Variants in PMS1 observed in about 807,000 individuals in gnomAD.
The protein encoded by PMS1 is PMS1 protein homolog 1.
In PMS1, 79 loss-of-function variants were observed where a neutral mutation model predicts 93.1. The observed-to-expected ratio is 0.85, with a 90% confidence interval of 0.71 to 1.02. PMS1 has a LOEUF of 1.02. Among genes scored for constraint, PMS1 ranks in the 50% least tolerant of loss-of-function variants. PMS1 has a pLI of 0.00. For synonymous variants in PMS1, 335 were observed against 363.4 expected, an observed-to-expected ratio of 0.92 and a Z score of 0.89; for missense variants, 1,064 against 1,085.3, an observed-to-expected ratio of 0.98 and a Z score of 0.28.
rs560654438 is a variant in PMS1, at chr2:189,855,754, T to C, written c.1856+626T>C. 6.8e-5 allele frequency: 18 copies of C among 263,758 alleles called. No individual in the cohort carries two copies. In the South Asian group the frequency reaches 9.7e-4, roughly 14 times the overall value. 16.3% of individuals were successfully genotyped at this position (263,758 alleles called of 1,614,324 possible). A position where few individuals can be genotyped will look rare whatever the true frequency, so the allele number is the denominator to read the frequency against. ...TTTGATCTGTCTTTGATTAAAATAGTATTTGCCATATTTAAATTAGATTTT... is the reference window on the plus strand; with the variant it reads ...TTTGATCTGTCTTTGATTAAAATAGCATTTGCCATATTTAAATTAGATTTT... On this transcript the variant is annotated intron_variant, in intron 9 of 12. Transcript: ENST00000441310.
intron 9 of PMS1, among the ~76,000 whole-genome samples, chr2:189,857,077 A>G (rs565875239): frequency 6.6e-6 from 1 of 152,248 alleles, no homozygotes; most frequent in East Asian, 1.9e-4. Flanking sequence ...ACAGTCTCTC[A>G]TGGATTGTTG....
chr2:189,852,855 GCTCT>G, intron 7 of PMS1, 78 bp downstream of exon 7: 1 of 900,112 alleles, frequency 1.1e-6, no homozygotes. Context: ...CCAAGAATTT[GCTCT>G]AAAATAAAAA....
intron 9 of PMS1, among the ~76,000 whole-genome samples, chr2:189,862,237 T>C (rs913016558): frequency 4.6e-5 from 7 of 152,280 alleles, no homozygotes; most frequent in Admixed American, 1.3e-4. Flanking sequence ...TACTGACCCT[T>C]TCTTTTGCCA....
intron 9 of PMS1, among the ~76,000 whole-genome samples, chr2:189,863,316 C>T (rs749290567): frequency 6.0e-5 from 9 of 150,488 alleles, no homozygotes; most frequent in Admixed American, 1.3e-4. Flanking sequence ...TGCAGTGGCA[C>T]GATCTCGGCT....
intron 6 of PMS1, among the ~76,000 whole-genome samples, chr2:189,846,251 C>A (rs147105922): frequency 0.012 from 1,825 of 151,956 alleles, 37 homozygotes; most frequent in African/African-American, 0.039. Context: ...GTGGCTCACA[C>A]CTGTAATCCC....
chr2:189,871,669 T>A (rs2057161324), intron 11 of PMS1, among the ~76,000 whole-genome samples: 1 of 152,244 alleles, frequency 6.6e-6, no homozygotes, highest in Admixed American at 6.5e-5. Context: ...CAGCCTCTGC[T>A]CTTACCCAGC....
Position 189,791,888 on chromosome 2 carries a change from G to C in PMS1, c.79G>C (p.Glu27Gln), listed in dbSNP as rs5742973. Residue 27 changes from glutamate (E) to glutamine (Q), a missense_variant, in exon 2 of 13, where the codon GAG (glutamate) becomes CAG (glutamine). Transcript: ENST00000441310. ...CACTTCGGTGGTCAGTGTTGTAAAA[G>C]AGCTTATTGAAAACTCCTTGGATGC... ...IITSVVSVVK[E>Q]LIENSLDAGA... The C allele has an allele frequency of 8.5e-5, 137 of 1,613,932 alleles. 1 individual carries two copies. In the African/African-American group the frequency reaches 1.5e-3, roughly 17 times the overall value.
intron 2 of PMS1, 46 bp from the exon 3 acceptor site, chr2:189,795,723 A>G (rs761280632): frequency 4.3e-6 from 6 of 1,390,930 alleles, no homozygotes; most frequent in Non-Finnish European, 2.0e-6. Context: ...GTGTGATAAC[A>G]GTTTAATATT....
intron 5 of PMS1, among the ~76,000 whole-genome samples, chr2:189,843,316 C>G (rs1340244012): frequency 6.6e-6 from 1 of 152,168 alleles, no homozygotes; most frequent in African/African-American, 2.4e-5. Context: ...CTGCAAACAA[C>G]CTATTGTTTC....
chr2:189,868,930 C>T (rs1575380058), intron 11 of PMS1, among the ~76,000 whole-genome samples: 1 of 152,274 alleles, frequency 6.6e-6, no homozygotes, highest in East Asian at 1.9e-4. Flanking sequence ...CACCTGGCCT[C>T]ACTGTGTCTT....
intron 5 of PMS1, among the ~76,000 whole-genome samples, chr2:189,834,225 G>A (rs1043524795): frequency 6.6e-6 from 1 of 152,158 alleles, no homozygotes; most frequent in African/African-American, 2.4e-5. Context: ...CTGGTTCTTC[G>A]GAAAGACTAT....
intron 6 of PMS1, among the ~76,000 whole-genome samples, chr2:189,845,950 C>T (rs1217181025): frequency 2.0e-5 from 3 of 152,096 alleles, no homozygotes; most frequent in Non-Finnish European, 4.4e-5. Flanking sequence ...TCTCAAACTC[C>T]TGACCTCAAG....
chr2:189,846,234 C>T (rs538404701), intron 6 of PMS1, among the ~76,000 whole-genome samples: 3 of 151,168 alleles, frequency 2.0e-5, no homozygotes, highest in Non-Finnish European at 4.4e-5. Context: ...AAAATTGGCC[C>T]GGTGTGGTGG....
At chr2:189,808,494 A>C (rs1161709754) in intron 4 of PMS1, among the ~76,000 whole-genome samples, 4 of 151,606 alleles carry the variant, frequency 2.6e-5, no homozygotes, top group Admixed American at 6.6e-5. Flanking sequence ...CACCTGGCGA[A>C]TTTTTGTGTT....
At chr2:189,787,050 A>T (rs2048413691) in intron 1 of PMS1, among the ~76,000 whole-genome samples, 1 of 152,104 alleles carries the variant, frequency 6.6e-6, no homozygotes, top group South Asian at 2.1e-4. Context: ...CGAAACCTGA[A>T]ACTCTGTCTC....
Position 189,854,708 on chromosome 2 carries a change from G to A in PMS1, c.1436G>A (p.Gly479Glu), listed in dbSNP as rs587778612. ...AATAAAGACCATATAGATGAGAGTG[G>A]GGAAAATGAGGAAGAAGCAGGTCTT... Reference protein sequence around the residue: ...NGNKDHIDESGENEEEAGLEN... With the variant: ...NGNKDHIDESEENEEEAGLEN... The change falls in exon 9 of 13, where the codon GGG (glycine) becomes GAG (glutamate). Residue 479 changes from glycine to glutamate, a missense_variant. Physicochemically the swap from Gly to Glu is moderately conservative, Grantham distance 98. Transcript: ENST00000441310. 1.2e-6 allele frequency: 2 copies of A among 1,613,866 alleles called. No homozygotes were observed. The highest frequency in any genetic ancestry group is 3.3e-5 in the Admixed American group (2 of 59,996).
intron 2 of PMS1, among the ~76,000 whole-genome samples, chr2:189,792,584 A>G (rs1289026875): frequency 6.6e-6 from 1 of 151,140 alleles, no homozygotes; most frequent in African/African-American, 2.4e-5. Context: ...TTATAGAACT[A>G]GAAACAATGC....
intron 12 of PMS1, among the ~76,000 whole-genome samples, chr2:189,875,639 G>A (rs2057496730): frequency 6.6e-6 from 1 of 152,032 alleles, no homozygotes; most frequent in African/African-American, 2.4e-5. Context: ...TGTTGAACTG[G>A]TGGAAGACTG....
At chr2:189,798,432 T>G (rs759716352) in intron 3 of PMS1, among the ~76,000 whole-genome samples, 2 of 152,206 alleles carry the variant, frequency 1.3e-5, no homozygotes, top group Non-Finnish European at 2.9e-5. Context: ...AGGGAAATTG[T>G]CATGTGTACT....
Sources: gnomAD v4.1 joint callset for allele counts (sites outside exome capture counted in the v4.1 genomes callset) on GRCh38, gnomAD v4.1.1 for gene constraint, MANE v1.5 for transcripts, NCBI Gene and HGNC (gene_info 2026-07-23, HGNC 2026-07-21) for gene names.